FAAH2: variants seen among roughly 807,000 people sequenced by gnomAD.
The protein encoded by FAAH2 is fatty acid amide hydrolase 2.
A neutral mutation model predicts 36.9 loss-of-function variants in FAAH2; 60 were observed. The observed-to-expected ratio is 1.63, with a 90% CI of 1.32 to 2.02. FAAH2 has a LOEUF of 2.02. FAAH2 is among the 30% of genes most tolerant of loss of function. The probability of loss-of-function intolerance (pLI) is 0.00; values close to 1 mark genes in which losing one functional copy is unlikely to be tolerated. For missense variants in FAAH2, 689 were observed against 397.5 expected (o/e 1.73, Z -6.23); for synonymous variants, 214 against 143.8 (o/e 1.49, Z -3.49).
chrX:57,262,405 TAA>T, the FAAH2 span, among the ~76,000 whole-genome samples: 1 of 111,759 alleles, frequency 8.9e-6, no homozygotes, highest in Non-Finnish European at 1.9e-5. Flanking sequence ...TGAGAGAAGG[TAA>T]AGACATTCAC....
the FAAH2 span, among the ~76,000 whole-genome samples, chrX:57,202,574 G>C: frequency 8.9e-6 from 1 of 111,851 alleles, no homozygotes; most frequent in African/African-American, 3.3e-5. Flanking sequence ...AGGACTGCAT[G>C]GGGACAGAAC....
chrX:57,408,641 T>C (rs1390225895), intron 7 of FAAH2, among the ~76,000 whole-genome samples: 1 of 110,688 alleles, frequency 9.0e-6, no homozygotes, highest in East Asian at 2.8e-4. Context: ...CTTTATCTTA[T>C]TCCTTATGAG....
At chrX:57,161,442 C>T in the FAAH2 span, among the ~76,000 whole-genome samples, 1 of 110,889 alleles carries the variant, frequency 9.0e-6, no homozygotes, top group East Asian at 2.8e-4. Flanking sequence ...GTTGATCTGT[C>T]TAATGTCGAC....
intron 5 of FAAH2, among the ~76,000 whole-genome samples, chrX:57,345,285 T>C (rs1028305937): frequency 6.4e-5 from 7 of 109,592 alleles, no homozygotes; most frequent in Non-Finnish European, 1.3e-4. Flanking sequence ...CATTGGTAGG[T>C]TTTTTTTAAT....
the FAAH2 span, among the ~76,000 whole-genome samples, chrX:57,123,922 G>T: frequency 8.9e-6 from 1 of 111,854 alleles, no homozygotes; most frequent in Non-Finnish European, 1.9e-5. Flanking sequence ...CAGGTGAGTA[G>T]ATTGCAAAAA....
the FAAH2 span, among the ~76,000 whole-genome samples, chrX:57,177,577 A>AATATATATAT: frequency 6.0e-4 from 21 of 34,782 alleles, 1 homozygote; most frequent in South Asian, 2.4e-3. Flanking sequence ...TCAAAATTTA[A>AATATATATAT]ATATATATAT....
chrX:57,466,152 CTCTCTATA>C (rs1301852222), intron 10 of FAAH2, among the ~76,000 whole-genome samples: 4 of 66,873 alleles, frequency 6.0e-5, no homozygotes, highest in Non-Finnish European at 1.1e-4. Flanking sequence ...CTCTCTCTCT[CTCTCTATA>C]TATATATATA....
the FAAH2 span, among the ~76,000 whole-genome samples, chrX:57,245,127 G>GA: frequency 9.0e-6 from 1 of 111,592 alleles, no homozygotes; most frequent in Non-Finnish European, 1.9e-5. Flanking sequence ...GATCAAAAGA[G>GA]ACAAAGGAGG....
chrX:57,289,261 C>T (rs1259499082), intron 1 of FAAH2, among the ~76,000 whole-genome samples: 1 of 111,101 alleles, frequency 9.0e-6, no homozygotes, highest in Non-Finnish European at 1.9e-5. Flanking sequence ...TTCTTGATAA[C>T]GAGCTCTGAT....
At chrX:57,473,035 G>A (rs1198575016) in intron 10 of FAAH2, among the ~76,000 whole-genome samples, 1 of 110,285 alleles carries the variant, frequency 9.1e-6, no homozygotes, top group Non-Finnish European at 1.9e-5. Flanking sequence ...ATCCTATTTA[G>A]TTAATCCTGG....
the FAAH2 span, among the ~76,000 whole-genome samples, chrX:57,183,487 G>T: frequency 8.9e-6 from 1 of 111,813 alleles, no homozygotes; most frequent in Non-Finnish European, 1.9e-5. Context: ...ATTGTTGCGG[G>T]AAGTCAGGGA....
At chrX:57,441,581 G>GTT (rs377693660) in intron 8 of FAAH2, among the ~76,000 whole-genome samples, 4 of 103,669 alleles carry the variant, frequency 3.9e-5, no homozygotes, top group African/African-American at 1.0e-4. Flanking sequence ...TTTTTGAAGC[G>GTT]TTTTTTTTTT....
At chrX:57,144,098 T>C in the FAAH2 span, among the ~76,000 whole-genome samples, 1 of 112,281 alleles carries the variant, frequency 8.9e-6, no homozygotes, top group Non-Finnish European at 1.9e-5. Flanking sequence ...TTCTCAGCTT[T>C]CAGTTTTTTC....
At chrX:57,128,896 T>G in the FAAH2 span, among the ~76,000 whole-genome samples, 1 of 111,309 alleles carries the variant, frequency 9.0e-6, no homozygotes, top group African/African-American at 3.3e-5. Flanking sequence ...CACATAGTGA[T>G]AAGTACTGCA....
the FAAH2 span, among the ~76,000 whole-genome samples, chrX:57,176,081 A>G: frequency 9.0e-6 from 1 of 111,383 alleles, no homozygotes; most frequent in African/African-American, 3.3e-5. Flanking sequence ...TTAATCTCCC[A>G]TGAGTTTTTT....
At chrX:57,423,927 G>A (rs748917447) in intron 7 of FAAH2, among the ~76,000 whole-genome samples, 4 of 111,735 alleles carry the variant, frequency 3.6e-5, no homozygotes, top group African/African-American at 6.5e-5. Flanking sequence ...TCACCTGAAA[G>A]TACCACCTAA....
At chrX:57,391,192 T>G (rs1055282724) in intron 7 of FAAH2, among the ~76,000 whole-genome samples, 1 of 111,231 alleles carries the variant, frequency 9.0e-6, no homozygotes, top group African/African-American at 3.3e-5. Flanking sequence ...TTGATTTGTT[T>G]TGGTTTCTTG....
chrX:57,227,931 C>G, the FAAH2 span, among the ~76,000 whole-genome samples: 1 of 111,396 alleles, frequency 9.0e-6, no homozygotes, highest in Non-Finnish European at 1.9e-5. Flanking sequence ...TGGGGTAAAG[C>G]TGGTAGCCAC....
At chrX:57,478,582 T>C (rs1489890902) in intron 10 of FAAH2, among the ~76,000 whole-genome samples, 1 of 112,004 alleles carries the variant, frequency 8.9e-6, no homozygotes, top group Non-Finnish European at 1.9e-5. Context: ...TCCTGAATGG[T>C]AATGCCTAGG....
Sources: gnomAD v4.1 joint callset for allele counts (sites outside exome capture counted in the v4.1 genomes callset) on GRCh38, gnomAD v4.1.1 for gene constraint, MANE v1.5 for transcripts, NCBI Gene and HGNC (gene_info 2026-07-23, HGNC 2026-07-21) for gene names.